SENP6: variants seen among roughly 807,000 people sequenced by gnomAD.
The protein encoded by SENP6 is SUMO specific peptidase 6.
Under a neutral mutation model 134.5 loss-of-function variants are expected in SENP6, and 41 were observed. That is an observed-to-expected ratio of 0.30 (90% CI 0.24 to 0.40). The LOEUF is 0.40. SENP6 is among the 10% of genes least tolerant of loss of function. The pLI is 1.00. For missense variants in SENP6, 1,248 were observed against 1,312.5 expected (o/e 0.95, Z 0.76); for synonymous variants, 395 against 429.8 (o/e 0.92, Z 1.00).
chr6:75,654,267 AGTTTTG>A lies in SENP6; in HGVS notation c.551-4994_551-4989del, dbSNP rs1231327631. 3.3e-5 allele frequency among the ~76,000 whole-genome samples: 5 copies of A among 152,226 alleles called. No individual in the cohort carries two copies. The East Asian group carries it at 9.6e-4, about 29-fold the overall frequency. ...ACAAAGCAAAACATAAGTAAAGCTG[AGTTTTG>A]AATCACTGGAATTTGACATACCAAG... is the stretch of plus-strand genomic sequence containing the variant. On this transcript the variant is annotated intron_variant, in intron 7 of 23. Coordinates refer to ENST00000447266, the MANE Select transcript of SENP6 (RefSeq NM_015571.4).
At chr6:75,640,776 A>T in intron 6 of SENP6, 72 bp downstream of exon 6, 2 of 957,678 alleles carry the variant, frequency 2.1e-6, no homozygotes, top group South Asian at 2.1e-5. Flanking sequence ...ATGTTTTGAA[A>T]AATATTGGTT....
At chr6:75,634,259 A>G (rs1370446463) in intron 4 of SENP6, among the ~76,000 whole-genome samples, 1 of 152,092 alleles carries the variant, frequency 6.6e-6, no homozygotes, top group Non-Finnish European at 1.5e-5. Context: ...CAGTGGCAAA[A>G]TCAGAAATAG....
chr6:75,715,270 A>C (rs1775966287), intron 23 of SENP6, 115 bp from the exon 24 acceptor site: 1 of 749,770 alleles, frequency 1.3e-6, no homozygotes, highest in Non-Finnish European at 2.3e-6. Flanking sequence ...TAATACAGAA[A>C]TACATATTGA....
intron 1 of SENP6, among the ~76,000 whole-genome samples, chr6:75,620,126 G>A (rs1227293308): frequency 1.8e-4 from 28 of 151,372 alleles, no homozygotes; most frequent in Non-Finnish European, 1.5e-5. Context: ...CTTTCCTAAT[G>A]GGTGAGAAGT....
At chr6:75,660,701 C>G (rs1039339960) in intron 8 of SENP6, among the ~76,000 whole-genome samples, 1 of 151,950 alleles carries the variant, frequency 6.6e-6, no homozygotes, top group East Asian at 1.9e-4. Context: ...GGAGCGATCT[C>G]GGCTCACTGT....
chr6:75,644,785 G>C (rs1461280135), intron 6 of SENP6, among the ~76,000 whole-genome samples: 1 of 151,994 alleles, frequency 6.6e-6, no homozygotes, highest in Admixed American at 6.6e-5. Context: ...TTGCCCAGCC[G>C]GTAAATTTCT....
chr6:75,621,510 C>G, intron 1 of SENP6, 22 bp from the exon 2 acceptor site: 2 of 1,365,360 alleles, frequency 1.5e-6, no homozygotes, highest in Non-Finnish European at 2.1e-6. Flanking sequence ...TGAATACTTA[C>G]TGCAGTTTGT....
At position 75,709,611 on chromosome 6, in the gene SENP6, CAGA is replaced by C. The variant is rs1354489855; in HGVS notation, c.2805_2807del (p.Glu935del). ...CTTGAAGATGAACTCGTCGACTTCT[CAGA>C]AGATCAGGATAACCAGGTAAAACTT... On this transcript the variant is annotated inframe_deletion, in exon 20 of 24. Coordinates refer to ENST00000447266, the MANE Select transcript of SENP6 (RefSeq NM_015571.4). 1.2e-6 allele frequency: 2 copies of C among 1,613,402 alleles called. No individual in the cohort carries two copies. Among genetic ancestry groups the C allele is most frequent in the Non-Finnish European group, 1.7e-6 (2 of 1,179,402 alleles).
intron 7 of SENP6, among the ~76,000 whole-genome samples, chr6:75,652,280 G>T (rs1402504002): frequency 1.3e-5 from 2 of 151,700 alleles, no homozygotes; most frequent in East Asian, 3.9e-4. Flanking sequence ...CAAAGTGCTG[G>T]GATTACAGGC....
rs1353635468 is a variant in SENP6 at position 75,716,253 on chromosome 6, C to G, written c.*659C>G. ...ACCTTATACTACTAAAAAAAAAATT[C>G]TTGCATATATTATCATCAAATGCAT... On this transcript the variant is annotated 3_prime_UTR_variant, in exon 24 of 24. Transcript: ENST00000447266. The G allele has an allele frequency of 2.6e-5, 4 of 151,874 alleles. No homozygotes were observed. Among genetic ancestry groups the G allele is most frequent in the Admixed American group, 2.6e-4 (4 of 15,256 alleles). 9.4% of individuals were successfully genotyped at this position (151,874 alleles called of 1,614,324 possible).
At chr6:75,632,697 T>G (rs1334694640) in intron 3 of SENP6, among the ~76,000 whole-genome samples, 1 of 152,166 alleles carries the variant, frequency 6.6e-6, no homozygotes, top group Non-Finnish European at 1.5e-5. Flanking sequence ...AAAACTGTCT[T>G]AGGCTGGGGT....
At chr6:75,648,243 GAGTA>G (rs796399575) in intron 7 of SENP6, among the ~76,000 whole-genome samples, 17 of 152,218 alleles carry the variant, frequency 1.1e-4, no homozygotes, top group African/African-American at 3.4e-4. Context: ...AAATCATGGT[GAGTA>G]AGTATTTATA....
In SENP6 at chr6:75,630,810, T is replaced by C. The variant is rs1431263129; in HGVS notation, c.208-2771T>C. On this transcript the variant is annotated intron_variant, in intron 3 of 23. Coordinates refer to ENST00000447266, the MANE Select transcript of SENP6 (RefSeq NM_015571.4). ...CTGTGGATTTTACCTTTCTACATTA[T>C]TATTTCTAGACCTCCTAATAGACAT... 2.6e-5 allele frequency among the ~76,000 whole-genome samples: 4 copies of C among 151,978 alleles called. No homozygotes were observed. In the East Asian group the frequency reaches 7.7e-4, roughly 29 times the overall value.
chr6:75,602,387 G>T lies in SENP6; in HGVS notation c.-138G>T. The T allele has an allele frequency of 1.0e-6, 1 of 990,928 alleles. No homozygotes were observed. Among genetic ancestry groups the T allele is most frequent in the Non-Finnish European group, 1.5e-6 (1 of 669,458 alleles). The allele number at this position is 990,928 out of a possible 1,614,324, so 61.4% of individuals were successfully genotyped here. ...TGTATAGGCCCGTCTGAACGTGGGAGCGCAGCCCGCCTGACGGCTGAGCCC... is the reference window on the plus strand; with the variant it reads ...TGTATAGGCCCGTCTGAACGTGGGATCGCAGCCCGCCTGACGGCTGAGCCC... On this transcript the variant is annotated 5_prime_UTR_variant, in exon 1 of 24. Transcript: ENST00000447266.
chr6:75,700,250 C>T (rs539588457), intron 18 of SENP6, among the ~76,000 whole-genome samples: 4 of 152,016 alleles, frequency 2.6e-5, no homozygotes, highest in Non-Finnish European at 4.4e-5. Context: ...TTAAAGTTAA[C>T]GTAGCTGTTA....
intron 19 of SENP6, among the ~76,000 whole-genome samples, chr6:75,703,432 A>G (rs1428994391): frequency 6.6e-6 from 1 of 151,922 alleles, no homozygotes; most frequent in African/African-American, 2.4e-5. Flanking sequence ...TGATAAATGT[A>G]TACATAGAGT....
chr6:75,700,856 T>C (rs756193221), intron 18 of SENP6, among the ~76,000 whole-genome samples: 2 of 152,196 alleles, frequency 1.3e-5, no homozygotes, highest in Non-Finnish European at 1.5e-5. Context: ...TGTGACTTTA[T>C]AAATAAAATA....
At position 75,675,900 on chromosome 6, in the gene SENP6, T is replaced by C. The variant is rs1352961929; in HGVS notation, c.1467T>C (p.Ser489=). The C allele has an allele frequency of 6.2e-7, 1 of 1,608,710 alleles. No individual in the cohort carries two copies. The highest frequency in any genetic ancestry group is 1.1e-5 in the South Asian group (1 of 89,856). ...HDPVEIILNT[S]DLTKCEWCNV... is the part of the protein sequence containing the mutation. Reference sequence around the variant, plus strand: ...CTGTAGAGATTATATTAAATACCTCTGATCTAACTAAATGTGAATGGTGTA... The same window carrying C: ...CTGTAGAGATTATATTAAATACCTCCGATCTAACTAAATGTGAATGGTGTA... The change falls in exon 13 of 24, where the codon TCT becomes TCC. Residue 489 remains serine (S), a synonymous_variant. Coordinates refer to ENST00000447266, the MANE Select transcript of SENP6 (RefSeq NM_015571.4).
chr6:75,602,647 A>T (rs1171423777), intron 1 of SENP6, 71 bp downstream of exon 1: 1 of 1,447,994 alleles, frequency 6.9e-7, no homozygotes, highest in African/African-American at 1.4e-5. Flanking sequence ...AGAACCCCGG[A>T]TATTCAGTTA....
Sources: allele counts gnomAD v4.1 joint callset (sites outside exome capture counted in the v4.1 genomes callset), GRCh38; gene constraint gnomAD v4.1.1; transcripts MANE v1.5; gene names NCBI Gene and HGNC (gene_info 2026-07-23, HGNC 2026-07-21).